Variants in PLB1 observed in about 807,000 individuals in gnomAD.
The protein encoded by PLB1 is phospholipase B1.
Under a neutral mutation model 227.4 loss-of-function variants are expected in PLB1, and 242 were observed. That is an observed-to-expected ratio of 1.06 (90% confidence interval 0.96 to 1.18). The LOEUF (loss-of-function observed/expected upper bound fraction) is 1.18. Ranked by LOEUF, PLB1 falls within the 50% of genes most tolerant of loss-of-function variation. PLB1 has a pLI of 0.00. For missense variants in PLB1, 1,858 were observed against 1,816.3 expected (o/e 1.02, Z -0.42); for synonymous variants, 757 against 682.2 (o/e 1.11, Z -1.71).
chr2:28,569,465 C>G (rs1353521326), intron 20 of PLB1, among the ~76,000 whole-genome samples: 1 of 151,772 alleles, frequency 6.6e-6, no homozygotes, highest in Non-Finnish European at 1.5e-5. Flanking sequence ...TTGCAAAGTT[C>G]AACAAAACTG....
chr2:28,513,433 A>G (rs955556139), intron 1 of PLB1, among the ~76,000 whole-genome samples: 2 of 152,216 alleles, frequency 1.3e-5, no homozygotes, highest in Non-Finnish European at 2.9e-5. Flanking sequence ...CCCCTCCTCA[A>G]TGGGTGCCAA....
chr2:28,555,517 C>T (rs1328674294), intron 17 of PLB1, among the ~76,000 whole-genome samples: 1 of 152,172 alleles, frequency 6.6e-6, no homozygotes, highest in Non-Finnish European at 1.5e-5. Flanking sequence ...AGCACAGGTG[C>T]ATATTATTAT....
At chr2:28,611,654 A>G (rs1278305567) in intron 43 of PLB1, among the ~76,000 whole-genome samples, 1 of 152,194 alleles carries the variant, frequency 6.6e-6, no homozygotes, top group Non-Finnish European at 1.5e-5. Context: ...CTCAACCAGC[A>G]TGGGTCACTT....
At chr2:28,518,393 C>A (rs1235557073) in intron 2 of PLB1, 73 bp from the exon 3 acceptor site, 1 of 1,163,264 alleles carries the variant, frequency 8.6e-7, no homozygotes. Context: ...ATCATTTCTA[C>A]ACCAAGTTTT....
Position 28,620,917 on chromosome 2 carries a change from T to A in PLB1, c.3466T>A (p.Ser1156Thr), listed in dbSNP as rs151050836. 7.4e-6 allele frequency: 12 copies of A among 1,613,892 alleles called. No individual in the cohort carries two copies. The Admixed American group carries it at 2.0e-4, about 27-fold the overall frequency. ...KKFNPYLLGF[S>T]TSTWEGTAGL... is the part of the protein sequence containing the mutation. ...GTTCAACCCTTACCTCCTTGGCTTC[T>A]CTACCAGCACCTGGGAGGGGACAGC... The change falls in exon 49 of 58, where the codon TCT (serine) becomes ACT (threonine). Residue 1156 changes from serine (S) to threonine (T), a missense_variant. Transcript: ENST00000327757.
chr2:28,549,992 T>C lies in PLB1; in HGVS notation c.1009-18T>C, dbSNP rs368594217. ...GACTTCTAGGGTCACGATTCCAACA[T>C]GTCACCTTTCCCTGCAGGAGAGCCC... is the stretch of plus-strand genomic sequence containing the variant. On this transcript the variant is annotated intron_variant, in intron 15 of 57. Coordinates refer to ENST00000327757, the MANE Select transcript of PLB1 (RefSeq NM_153021.5). 2 of 1,604,924 alleles carry C rather than the reference T, an allele frequency of 1.2e-6. No homozygotes were observed. The highest frequency in any genetic ancestry group is 1.3e-5 in the African/African-American group (1 of 74,652).
In PLB1 at chr2:28,641,011, C is replaced by G. The variant is rs200312264; in HGVS notation, c.4173+10C>G. ...CAAGTGCCCCTCTCCTGTGAGTAAA[C>G]GTCCTGCCTGCCCCAGGTGGAACAG... On this transcript the variant is annotated intron_variant, in intron 57 of 57. Coordinates refer to ENST00000327757, the MANE Select transcript of PLB1 (RefSeq NM_153021.5). 1 of 1,612,046 alleles carries G rather than the reference C, an allele frequency of 6.2e-7. No individual in the cohort carries two copies. The highest frequency in any genetic ancestry group is 1.7e-5 in the Admixed American group (1 of 59,902).
chr2:28,627,857 G>T (rs190490516), intron 51 of PLB1, among the ~76,000 whole-genome samples: 1 of 152,266 alleles, frequency 6.6e-6, no homozygotes, highest in East Asian at 1.9e-4. Context: ...GAGTATAAGA[G>T]CTTCAGGTTA....
intron 57 of PLB1, 104 bp from the exon 58 acceptor site, chr2:28,642,754 C>A: frequency 1.0e-6 from 1 of 1,000,178 alleles, no homozygotes; most frequent in Non-Finnish European, 1.5e-6. Context: ...TGAAAACGTG[C>A]AGGGTTATCG....
At chr2:28,586,248 G>A (rs1680889202) in intron 26 of PLB1, among the ~76,000 whole-genome samples, 1 of 152,166 alleles carries the variant, frequency 6.6e-6, no homozygotes, top group African/African-American at 2.4e-5. Context: ...GGGAAACGGA[G>A]GCTGAAAGTC....
In PLB1 at chr2:28,601,331, C is replaced by A. The variant is rs201375560; in HGVS notation, c.2606C>A (p.Ser869Ter). The A allele has an allele frequency of 1.9e-6, 3 of 1,613,410 alleles. No individual in the cohort carries two copies. Among genetic ancestry groups the A allele is most frequent in the Non-Finnish European group, 2.5e-6 (3 of 1,179,552 alleles). ...GATTTATGTGACTACTGCACAGATTCGGTAATTGGGGCCAGGTCCAGGCCT... is the reference window on the plus strand; with the variant it reads ...GATTTATGTGACTACTGCACAGATTAGGTAATTGGGGCCAGGTCCAGGCCT... ...GSDLCDYCTD[S>*]NLYSAANFVH... is the part of the protein sequence containing the mutation. Residue 869 changes from serine (S) to a stop codon, truncating the protein, a stop_gained and splice_region_variant, in exon 37 of 58, where the codon TCG (serine) becomes TAG (stop). Transcript: ENST00000327757. LOFTEE classifies it high-confidence loss of function.
Position 28,627,752 on chromosome 2 carries a change from AAAT to A in PLB1, c.3661-807_3661-805del, listed in dbSNP as rs550850788. The stretch of plus-strand genomic sequence containing the variant: ...GGCCTCAGCTCTTCGTCTCCAGAAA[AAAT>A]AATGGGCTGCCTGAGCTCTCCCCTC... On this transcript the variant is annotated intron_variant, in intron 51 of 57. Transcript: ENST00000327757. 9.2e-5 allele frequency among the ~76,000 whole-genome samples: 14 copies of A among 152,194 alleles called. No individual in the cohort carries two copies. In the South Asian group the frequency reaches 2.3e-3, roughly 25 times the overall value.
intron 49 of PLB1, among the ~76,000 whole-genome samples, chr2:28,622,493 T>C (rs1687176239): frequency 6.6e-6 from 1 of 152,240 alleles, no homozygotes; most frequent in Non-Finnish European, 1.5e-5. Context: ...CATTTAATAA[T>C]GGATCTTCAG....
At position 28,541,808 on chromosome 2, in the gene PLB1, C is replaced by T. The variant is rs759864313; in HGVS notation, c.876C>T (p.His292=). 1.4e-5 allele frequency: 22 copies of T among 1,609,062 alleles called. No homozygotes were observed. The South Asian group carries it at 2.4e-4, about 18-fold the overall frequency. Residue 292 remains histidine (H), a synonymous_variant, in exon 13 of 58, where the codon CAC becomes CAT. Coordinates refer to ENST00000327757, the MANE Select transcript of PLB1 (RefSeq NM_153021.5). The part of the protein sequence containing the change: ...PFFYETTPSL[H]SEDPRLQDST... ...TCTATGAGACCACCCCATCTCTACA[C>T]TCGGTAAGTGGGGGCTGCATGGCGT...
intron 1 of PLB1, among the ~76,000 whole-genome samples, chr2:28,506,233 A>C (rs1667622462): frequency 6.6e-6 from 1 of 152,188 alleles, no homozygotes; most frequent in Non-Finnish European, 1.5e-5. Context: ...TTAAGCACCA[A>C]AATAGGTGCA....
At chr2:28,537,977 T>C (rs755391841) in intron 9 of PLB1, among the ~76,000 whole-genome samples, 1 of 152,194 alleles carries the variant, frequency 6.6e-6, no homozygotes, top group Non-Finnish European at 1.5e-5. Flanking sequence ...CTCAAGTCTT[T>C]GGGAGTAAGT....
intron 23 of PLB1, among the ~76,000 whole-genome samples, chr2:28,581,500 A>C (rs1490996343): frequency 2.5e-5 from 3 of 118,972 alleles, no homozygotes; most frequent in East Asian, 4.5e-4. Context: ...TAAATAAATA[A>C]ATAAATAAAT....
chr2:28,552,895 A>T, intron 16 of PLB1, 33 bp from the exon 17 acceptor site: 1 of 1,601,030 alleles, frequency 6.2e-7, no homozygotes, highest in Non-Finnish European at 8.6e-7. Context: ...AGAAAAATCC[A>T]TTTTCCTTAT....
intron 35 of PLB1, among the ~76,000 whole-genome samples, chr2:28,600,416 C>T (rs61590899): frequency 0.18 from 26,885 of 152,138 alleles, 2,773 homozygotes; most frequent in East Asian, 0.48. Flanking sequence ...AGCTTCCTGG[C>T]AGCCAGAGTG....
Sources: gnomAD v4.1 joint callset for allele counts (sites outside exome capture counted in the v4.1 genomes callset) on GRCh38, gnomAD v4.1.1 for gene constraint, MANE v1.5 for transcripts, NCBI Gene and HGNC (gene_info 2026-07-23, HGNC 2026-07-21) for gene names.